KCNC2: variants seen among roughly 807,000 people sequenced by gnomAD.
The protein encoded by KCNC2 is potassium voltage-gated channel subfamily C member 2, also known as voltage-gated potassium channel KCNC2.
A neutral mutation model predicts 44.5 loss-of-function variants in KCNC2; 21 were observed. The observed-to-expected ratio is 0.47, with a 90% CI of 0.33 to 0.68. The LOEUF (loss-of-function observed/expected upper bound fraction) is 0.68, where lower values mean the gene tolerates loss of function less well. Ranked by LOEUF, KCNC2 falls within the 30% of genes least tolerant of loss-of-function variation. The pLI is 0.01. For missense variants in KCNC2, 589 were observed against 826.2 expected (o/e 0.71, Z 3.52); for synonymous variants, 391 against 339.1 (o/e 1.15, Z -1.68).
chr12:75,054,250 A>G, intron 2 of KCNC2, among the ~76,000 whole-genome samples: 1 of 151,800 alleles, frequency 6.6e-6, no homozygotes, highest in East Asian at 1.9e-4. Flanking sequence ...AAAAACAGCC[A>G]GAGAGGCAAT....
At chr12:75,185,663 A>C (rs976444482) in intron 2 of KCNC2, among the ~76,000 whole-genome samples, 1 of 152,148 alleles carries the variant, frequency 6.6e-6, no homozygotes, top group Non-Finnish European at 1.5e-5. Flanking sequence ...ATATTCTGCT[A>C]TAGCAACACA....
intron 2 of KCNC2, among the ~76,000 whole-genome samples, chr12:75,167,368 G>A (rs536346587): frequency 6.6e-6 from 1 of 151,184 alleles, no homozygotes; most frequent in South Asian, 2.1e-4. Flanking sequence ...AGAGAAAATA[G>A]ATGGATTAAA....
chr12:75,100,309 T>G (rs1341235405), intron 2 of KCNC2, among the ~76,000 whole-genome samples: 1 of 152,102 alleles, frequency 6.6e-6, no homozygotes, highest in Non-Finnish European at 1.5e-5. Context: ...ACCTTGGGTC[T>G]GGCCACAGGG....
chr12:75,208,479 G>C (rs1301910014), intron 1 of KCNC2, among the ~76,000 whole-genome samples: 1 of 148,502 alleles, frequency 6.7e-6, no homozygotes. Flanking sequence ...CACTCTCCAA[G>C]ACCCTCCTCT....
chr12:75,071,937 C>CAAAAAAAAAAAAAAAAA (rs751849483), intron 2 of KCNC2, among the ~76,000 whole-genome samples: 2 of 67,368 alleles, frequency 3.0e-5, no homozygotes, highest in African/African-American at 1.6e-4. Flanking sequence ...GACTCCTTCT[C>CAAAAAAAAAAAAAAAAA]AAAAAAAAAA....
intron 2 of KCNC2, among the ~76,000 whole-genome samples, chr12:75,065,803 T>C (rs1882775488): frequency 6.6e-6 from 1 of 152,172 alleles, no homozygotes; most frequent in African/African-American, 2.4e-5. Context: ...TGTTAAGCAA[T>C]ACATGACTGC....
At chr12:75,102,104 AGT>A (rs761589826) in intron 2 of KCNC2, among the ~76,000 whole-genome samples, 2 of 152,066 alleles carry the variant, frequency 1.3e-5, no homozygotes, top group Non-Finnish European at 2.9e-5. Flanking sequence ...ATCAGTGGAG[AGT>A]GTATGAAACT....
chr12:75,123,539 G>T (rs1295643526), intron 2 of KCNC2, among the ~76,000 whole-genome samples: 3 of 152,034 alleles, frequency 2.0e-5, no homozygotes, highest in Non-Finnish European at 2.9e-5. Flanking sequence ...TATTCATTCT[G>T]TCAAGGAAAC....
chr12:75,116,806 C>G (rs142647756), intron 2 of KCNC2, among the ~76,000 whole-genome samples: 5 of 152,236 alleles, frequency 3.3e-5, no homozygotes, highest in Admixed American at 6.5e-5. Context: ...CCTCCTCCCC[C>G]GGGCCAACAC....
chr12:75,151,803 A>T (rs989994862), intron 2 of KCNC2, among the ~76,000 whole-genome samples: 26 of 150,898 alleles, frequency 1.7e-4, no homozygotes, highest in Admixed American at 8.6e-4. Context: ...ATTTAAATTT[A>T]TTTTAAAGGG....
chr12:75,180,227 C>G (rs1892486230), intron 2 of KCNC2, among the ~76,000 whole-genome samples: 1 of 151,828 alleles, frequency 6.6e-6, no homozygotes, highest in Admixed American at 6.6e-5. Flanking sequence ...GCTTCTAACA[C>G]TACAAATTTT....
chr12:75,085,968 A>C (rs1884961479), intron 2 of KCNC2, among the ~76,000 whole-genome samples: 1 of 152,028 alleles, frequency 6.6e-6, no homozygotes, highest in East Asian at 1.9e-4. Flanking sequence ...TTCTCAGTAC[A>C]CTTTTTTTTC....
Position 75,042,313 on chromosome 12 carries a change from T to C in KCNC2, c.*792A>G. ...CATGTTTTGTGCCTTCCCCAAGTCA[T>C]TAAGTAAGAGATCTGGCCTCGGCTT... is the stretch of plus-strand genomic sequence containing the variant. On this transcript the variant is annotated 3_prime_UTR_variant, in exon 5 of 5. Coordinates refer to ENST00000549446, the MANE Select transcript of KCNC2 (RefSeq NM_139137.4). 6.2e-7 allele frequency: 1 copy of C among 1,611,568 alleles called. No homozygotes were observed. The highest frequency in any genetic ancestry group is 8.5e-7 in the Non-Finnish European group (1 of 1,178,540).
chr12:75,093,015 C>CT (rs759357469), intron 2 of KCNC2, among the ~76,000 whole-genome samples: 3,220 of 134,162 alleles, frequency 0.024, 125 homozygotes, highest in African/African-American at 0.08. Flanking sequence ...GACCTTTAGG[C>CT]TTTTTTTTTT....
At chr12:75,163,133 G>A (rs1891227108) in intron 2 of KCNC2, among the ~76,000 whole-genome samples, 2 of 151,770 alleles carry the variant, frequency 1.3e-5, no homozygotes, top group African/African-American at 4.8e-5. Context: ...TCCCAGCAAA[G>A]CCTTGTAAGG....
intron 2 of KCNC2, among the ~76,000 whole-genome samples, chr12:75,072,387 TA>T (rs887351619): frequency 4.0e-5 from 6 of 151,846 alleles, no homozygotes; most frequent in African/African-American, 9.7e-5. Context: ...TAAGGAAATT[TA>T]AAAAAAATAC....
Position 75,099,508 on chromosome 12 carries a change from A to G in KCNC2, c.688-48191T>C, listed in dbSNP as rs371209431. Among the ~76,000 whole-genome samples the G allele has an allele frequency of 8.5e-5, 13 of 152,282 alleles. No individual in the cohort carries two copies. In the East Asian group the frequency reaches 2.3e-3, roughly 27 times the overall value. ...GTAGACATGTCTTTGCTTGAAGGTC[A>G]TACAGAAAACTTCTGACTATGAGCT... On this transcript the variant is annotated intron_variant, in intron 2 of 4. Transcript: ENST00000549446.
intron 2 of KCNC2, among the ~76,000 whole-genome samples, chr12:75,192,986 A>C (rs2030431408): frequency 6.6e-6 from 1 of 152,188 alleles, no homozygotes; most frequent in Non-Finnish European, 1.5e-5. Context: ...TTACATTGTA[A>C]ATATATATCA....
chr12:75,191,637 G>A (rs1412553022), intron 2 of KCNC2, among the ~76,000 whole-genome samples: 1 of 139,356 alleles, frequency 7.2e-6, no homozygotes, highest in African/African-American at 2.6e-5. Flanking sequence ...TGCAAGCTCC[G>A]CTTCCCGGGT....
Sources: allele counts gnomAD v4.1 joint callset (sites outside exome capture counted in the v4.1 genomes callset), GRCh38; gene constraint gnomAD v4.1.1; transcripts MANE v1.5; gene names NCBI Gene and HGNC (gene_info 2026-07-23, HGNC 2026-07-21).